PRKN: variants seen among roughly 807,000 people sequenced by gnomAD.
PRKN encodes E3 ubiquitin-protein ligase parkin.
Under a neutral mutation model 59.5 loss-of-function variants are expected in PRKN, and 56 were observed. The ratio of observed to expected loss-of-function variants is 0.94; its 90% CI spans 0.76 to 1.18. PRKN has a LOEUF of 1.18. Among genes scored for constraint, PRKN ranks in the 50% most tolerant of loss-of-function variants. The pLI, the probability that PRKN is intolerant of heterozygous loss-of-function variation, is 0.00. For missense variants in PRKN, 657 were observed against 596.4 expected, an observed-to-expected ratio of 1.10 and a Z score of -1.06; for synonymous variants, 250 against 222.1, an observed-to-expected ratio of 1.13 and a Z score of -1.12.
At chr6:161,651,888 T>C (rs1406444709) in intron 7 of PRKN, among the ~76,000 whole-genome samples, 1 of 152,204 alleles carries the variant, frequency 6.6e-6, no homozygotes, top group East Asian at 1.9e-4. Context: ...CTCCATTATA[T>C]AATAGGAATT....
intron 4 of PRKN, among the ~76,000 whole-genome samples, chr6:162,189,920 T>C (rs998956494): frequency 3.3e-5 from 5 of 152,074 alleles, no homozygotes; most frequent in Admixed American, 3.3e-4. Context: ...ATTATGGCCA[T>C]CTCTGAGTGT....
chr6:162,204,194 T>A (rs1784843202), intron 3 of PRKN, among the ~76,000 whole-genome samples: 2 of 152,184 alleles, frequency 1.3e-5, no homozygotes, highest in South Asian at 4.1e-4. Flanking sequence ...ACTAATCAGG[T>A]ATATTTTAAG....
chr6:162,455,814 T>A (rs1367200991), intron 1 of PRKN, among the ~76,000 whole-genome samples: 1 of 152,104 alleles, frequency 6.6e-6, no homozygotes, highest in Non-Finnish European at 1.5e-5. Context: ...CAAAAGTGTA[T>A]TAAACTGAAG....
chr6:162,120,316 A>G (rs1780856070), intron 4 of PRKN, among the ~76,000 whole-genome samples: 1 of 152,180 alleles, frequency 6.6e-6, no homozygotes, highest in South Asian at 2.1e-4. Flanking sequence ...TTTATTTTTT[A>G]TAAAAAGTAT....
intron 6 of PRKN, among the ~76,000 whole-genome samples, chr6:161,972,969 G>A (rs1780882003): frequency 6.6e-6 from 1 of 152,176 alleles, no homozygotes; most frequent in Non-Finnish European, 1.5e-5. Flanking sequence ...CTTAATGGAT[G>A]AGTTTACATT....
At position 162,727,647 on chromosome 6, in the gene PRKN, C is replaced by T. The variant is rs2128243170; in HGVS notation, c.7+15G>A. On this transcript the variant is annotated intron_variant, in intron 1 of 11. Transcript: ENST00000366898. The stretch of plus-strand genomic sequence containing the variant: ...GGCGGCGCAGAGAGGCTGTACCTGG[C>T]AGGTACCCACGTACCTATCATGGTC... The T allele has an allele frequency of 6.3e-7, 1 of 1,583,958 alleles. No homozygotes were observed. The highest frequency in any genetic ancestry group is 8.6e-7 in the Non-Finnish European group (1 of 1,165,394).
At chr6:162,704,804 C>G (rs1355992761) in intron 1 of PRKN, among the ~76,000 whole-genome samples, 1 of 151,870 alleles carries the variant, frequency 6.6e-6, no homozygotes, top group Non-Finnish European at 1.5e-5. Flanking sequence ...GCAGGTGTGC[C>G]CGAGGATGGT....
intron 6 of PRKN, among the ~76,000 whole-genome samples, chr6:161,941,464 C>A (rs1779564403): frequency 6.6e-6 from 1 of 152,238 alleles, no homozygotes; most frequent in South Asian, 2.1e-4. Flanking sequence ...CCCCCAGCTG[C>A]TGAGAGCTAC....
chr6:161,819,867 T>TA (rs1791947431), intron 6 of PRKN, among the ~76,000 whole-genome samples: 1 of 152,092 alleles, frequency 6.6e-6, no homozygotes, highest in South Asian at 2.1e-4. Context: ...ATTTTTCAAA[T>TA]AAAAAATGAT....
Position 161,525,806 on chromosome 6 carries a change from C to G in PRKN, c.1083+23048G>C, listed in dbSNP as rs927023002. ...ATAGATGCTAAAAATGTTCTGTATA[C>G]TACTTGGCTATAGAATAGCCTACAG... On this transcript the variant is annotated intron_variant, in intron 9 of 11. Coordinates refer to ENST00000366898, the MANE Select transcript of PRKN (RefSeq NM_004562.3). The surrounding 1 kb of genome is among the most constrained non-coding windows in gnomAD (Gnocchi z 4.7). Among the ~76,000 whole-genome samples, 1 of 152,066 alleles carries G rather than the reference C, an allele frequency of 6.6e-6. No homozygotes were observed. The highest frequency in any genetic ancestry group is 1.5e-5 in the Non-Finnish European group (1 of 68,024).
chr6:162,258,413 A>G (rs1779743891), intron 3 of PRKN, among the ~76,000 whole-genome samples: 1 of 152,108 alleles, frequency 6.6e-6, no homozygotes, highest in Non-Finnish European at 1.5e-5. Flanking sequence ...GCTTCATCTC[A>G]TCTGTCAGGA....
At chr6:161,512,244 G>T (rs1778418667) in intron 9 of PRKN, among the ~76,000 whole-genome samples, 1 of 152,022 alleles carries the variant, frequency 6.6e-6, no homozygotes, top group Non-Finnish European at 1.5e-5. Flanking sequence ...TGATAAAACA[G>T]CACATCCCAA....
chr6:161,943,886 ATT>A (rs1779665067), intron 6 of PRKN, among the ~76,000 whole-genome samples: 1 of 126,058 alleles, frequency 7.9e-6, no homozygotes, highest in African/African-American at 3.2e-5. Flanking sequence ...AGCCTGAGGG[ATT>A]GGCCTGAGGA....
rs6942244 is a variant in PRKN at position 161,483,687 on chromosome 6, C to G, written c.1083+65167G>C. On this transcript the variant is annotated intron_variant, in intron 9 of 11. Coordinates refer to ENST00000366898, the MANE Select transcript of PRKN (RefSeq NM_004562.3). The surrounding 1 kb of genome is among the most constrained non-coding windows in gnomAD (Gnocchi z 5.0). ...CAAATAGGCTATTACTCACTGTGAC[C>G]TCTTCTACTTATTTCTTAAGGCATG... 0.011 allele frequency among the ~76,000 whole-genome samples: 1,604 copies of G among 152,244 alleles called. 22 individuals are homozygous for G. The highest frequency in any genetic ancestry group is 0.037 in the African/African-American group (1,545 of 41,546).
At chr6:161,367,470 C>CTTTT (rs77405672) in intron 10 of PRKN, among the ~76,000 whole-genome samples, 1 of 138,364 alleles carries the variant, frequency 7.2e-6, no homozygotes. Context: ...TGTGTCTTTT[C>CTTTT]TTTTTTTTTT....
At chr6:162,131,332 T>A (rs556560402) in intron 4 of PRKN, among the ~76,000 whole-genome samples, 1 of 152,360 alleles carries the variant, frequency 6.6e-6, no homozygotes, top group South Asian at 2.1e-4. Flanking sequence ...TACACAGTAA[T>A]GCAATAATGG....
intron 6 of PRKN, among the ~76,000 whole-genome samples, chr6:161,864,115 G>A (rs537007580): frequency 1.9e-3 from 285 of 152,190 alleles, no homozygotes; most frequent in Non-Finnish European, 2.3e-3. Context: ...GACAAAGTTG[G>A]CCCCATCATT....
At chr6:162,099,889 A>G (rs1174077177) in intron 4 of PRKN, among the ~76,000 whole-genome samples, 1 of 152,166 alleles carries the variant, frequency 6.6e-6, no homozygotes, top group African/African-American at 2.4e-5. Context: ...TGACTCACTG[A>G]AAGTTTGCTT....
chr6:162,265,519 C>T (rs10945807), intron 2 of PRKN, among the ~76,000 whole-genome samples: 18,324 of 152,074 alleles, frequency 0.12, 1,216 homozygotes, highest in South Asian at 0.26. Flanking sequence ...GGTGAAACCC[C>T]GTCTGTACTA....
Sources: gnomAD v4.1 joint callset for allele counts (sites outside exome capture counted in the v4.1 genomes callset) on GRCh38, gnomAD v4.1.1 for gene constraint, Gnocchi (gnomAD v3.1) non-coding constraint, MANE v1.5 for transcripts, NCBI Gene and HGNC (gene_info 2026-07-23, HGNC 2026-07-21) for gene names.